Variants in SLCO4A1 observed in about 807,000 individuals in gnomAD.
SLCO4A1 encodes the protein solute carrier organic anion transporter family member 4A1, also known as colon organic anion transporter.
In SLCO4A1, 51 loss-of-function variants were observed where a neutral mutation model predicts 64.6. The ratio of observed to expected loss-of-function variants is 0.79; its 90% CI spans 0.63 to 1.00. The LOEUF (loss-of-function observed/expected upper bound fraction) is 1.00. Ranked by LOEUF, SLCO4A1 falls within the 50% of genes least tolerant of loss-of-function variation. SLCO4A1 has a pLI of 0.00. For missense variants in SLCO4A1, 919 were observed against 980.5 expected, an observed-to-expected ratio of 0.94 and a Z score of 0.84; for synonymous variants, 471 against 444.9, an observed-to-expected ratio of 1.06 and a Z score of -0.74.
chr20:62,650,696 G>A (rs1045381339), intron 1 of SLCO4A1: 1 of 152,230 alleles, frequency 6.6e-6, no homozygotes, highest in Non-Finnish European at 1.5e-5. Flanking sequence ...TGATGACCGA[G>A]ACCAGGATGG....
At chr20:62,649,492 C>G (rs550945243) in intron 1 of SLCO4A1, 4 of 152,446 alleles carry the variant, frequency 2.6e-5, no homozygotes, top group African/African-American at 9.6e-5. Flanking sequence ...ACCCTGAGAC[C>G]ATCGCACATA....
chr20:62,656,735 C>G lies in SLCO4A1; in HGVS notation c.281C>G (p.Pro94Arg), dbSNP rs768735049. The G allele has an allele frequency of 3.1e-6, 5 of 1,611,846 alleles. No individual in the cohort carries two copies. Among genetic ancestry groups the G allele is most frequent in the East Asian group, 2.2e-5 (1 of 44,856 alleles). The part of the protein sequence containing the change: ...VACGWWAFAP[P>R]CLQVLNTPKG... ...TGCGGCTGGTGGGCCTTCGCACCGC[C>G]GTGCCTGCAGGTCCTCAACACGCCC... Residue 94 changes from proline (P) to arginine (R), a missense_variant, in exon 2 of 12, where the codon CCG (proline) becomes CGG (arginine). Pro to Arg is a moderately radical substitution (Grantham distance 103). Transcript: ENST00000217159.
At chr20:62,673,716 T>G (rs6090214), downstream of SLCO4A1, among the ~76,000 whole-genome samples, 1 of 143,234 alleles carries the variant, frequency 7.0e-6, no homozygotes, top group Non-Finnish European at 1.6e-5. Context: ...TGCTCAGCCC[T>G]GGCCTTCAAG....
chr20:62,686,407 C>T (rs1258070507), downstream of SLCO4A1, among the ~76,000 whole-genome samples: 1 of 152,134 alleles, frequency 6.6e-6, no homozygotes, highest in Non-Finnish European at 1.5e-5. Flanking sequence ...GTGTCATGTC[C>T]TAAAGCTTCA....
intron 1 of SLCO4A1, chr20:62,652,214 A>C (rs1190763756): frequency 6.6e-6 from 1 of 151,694 alleles, no homozygotes; most frequent in South Asian, 2.1e-4. Flanking sequence ...TCTGCTATTT[A>C]TGTGTGTGCG....
intron 5 of SLCO4A1, among the ~76,000 whole-genome samples, chr20:62,663,996 C>G (rs997794202): frequency 6.6e-6 from 1 of 152,198 alleles, no homozygotes; most frequent in Non-Finnish European, 1.5e-5. Flanking sequence ...CCATTCACCC[C>G]CCAGGGCCTC....
chr20:62,657,772 C>T (rs1454911303), intron 2 of SLCO4A1, among the ~76,000 whole-genome samples: 1 of 152,258 alleles, frequency 6.6e-6, no homozygotes, highest in Non-Finnish European at 1.5e-5. Context: ...TGCCCGTAAG[C>T]ACCGTGTCTG....
At position 62,660,424 on chromosome 20, in the gene SLCO4A1, C is replaced by T; in HGVS notation, c.900C>T (p.Thr300=). Residue 300 remains threonine (T), a synonymous_variant, in exon 4 of 12, where the codon ACC becomes ACT. Transcript: ENST00000217159. ...YTEMGRRTEL[T]TESPLWVGAW... ...GCCTCTTCCACAGGACGGAGCTGAC[C>T]ACCGAGAGCCCACTGTGGGTCGGCG... 3 of 1,599,510 alleles carry T rather than the reference C, an allele frequency of 1.9e-6. No individual in the cohort carries two copies. The highest frequency in any genetic ancestry group is 8.5e-7 in the Non-Finnish European group (1 of 1,179,832).
At chr20:62,643,279 C>A (rs547156978) in intron 1 of SLCO4A1, 3 of 326,862 alleles carry the variant, frequency 9.2e-6, no homozygotes, top group Non-Finnish European at 1.8e-5. Context: ...GTTGGGCTCC[C>A]CTGACCAGGG....
At position 62,666,587 on chromosome 20, in the gene SLCO4A1, A is replaced by G. The variant is rs369837301; in HGVS notation, c.1472+12A>G. ...AGCTACGGCGGGAGGTGAGGGCCAG[A>G]TGGCACCTGGGTACGCGTCGGGGCC... On this transcript the variant is annotated intron_variant, in intron 7 of 11. Coordinates refer to ENST00000217159, the MANE Select transcript of SLCO4A1 (RefSeq NM_016354.4). The G allele has an allele frequency of 1.2e-6, 2 of 1,610,176 alleles. No homozygotes were observed. Among genetic ancestry groups the G allele is most frequent in the Non-Finnish European group, 1.7e-6 (2 of 1,178,972 alleles).
intron 3 of SLCO4A1, among the ~76,000 whole-genome samples, chr20:62,659,246 C>T (rs1040163022): frequency 5.9e-5 from 9 of 152,012 alleles, no homozygotes; most frequent in East Asian, 1.9e-4. Flanking sequence ...AAGAAGACAG[C>T]GACAGGCAGA....
intron 11 of SLCO4A1, 131 bp downstream of exon 11, chr20:62,669,209 A>T (rs1419955892): frequency 3.0e-5 from 27 of 907,484 alleles, no homozygotes; most frequent in Non-Finnish European, 4.4e-5. Flanking sequence ...CAGTTTGTAG[A>T]AGGCCCTTCC....
intron 2 of SLCO4A1, among the ~76,000 whole-genome samples, chr20:62,682,014 G>A (rs911599312): frequency 1.3e-5 from 2 of 152,338 alleles, no homozygotes; most frequent in East Asian, 3.9e-4. Context: ...CATCCCCTGA[G>A]CTAGGACTGA....
At chr20:62,665,371 G>C in intron 6 of SLCO4A1, 1 of 385,970 alleles carries the variant, frequency 2.6e-6, no homozygotes, top group Non-Finnish European at 4.7e-6. Flanking sequence ...TCTGTGACTT[G>C]GTGCAGGAAG....
rs1270131704 is a variant in SLCO4A1, at chr20:62,685,073, T to C, written n.212-368T>C. 2.0e-5 allele frequency among the ~76,000 whole-genome samples: 3 copies of C among 151,902 alleles called. No homozygotes were observed. Among genetic ancestry groups the C allele is most frequent in the South Asian group, 2.1e-4 (1 of 4,822 alleles). ...CCAAGGGTCTGGGGTGAGGCCACAG[T>C]GCATGGAGTGCATGGAGGTTGGGGC... On this transcript the variant is annotated intron_variant and non_coding_transcript_variant, in intron 2 of 2. Transcript: ENST00000466818. This position sits in a 1 kb window ranked among gnomAD's most constrained non-coding sequence, Gnocchi z 4.6.
chr20:62,649,468 T>C (rs1397151918), intron 1 of SLCO4A1: 3 of 152,434 alleles, frequency 2.0e-5, no homozygotes, highest in Admixed American at 2.0e-4. Context: ...GCTATCACAG[T>C]GCTCTTGGCC....
chr20:62,653,899 G>A (rs991037026), intron 1 of SLCO4A1, among the ~76,000 whole-genome samples: 1 of 141,372 alleles, frequency 7.1e-6, no homozygotes, highest in Non-Finnish European at 1.5e-5. Context: ...ATGGGGTGGG[G>A]GGAGGGGGGA....
chr20:62,649,325 C>T (rs1242039645), intron 1 of SLCO4A1: 4 of 152,244 alleles, frequency 2.6e-5, no homozygotes, highest in Non-Finnish European at 5.9e-5. Context: ...ACTGATTGGA[C>T]GAGGCCCACC....
At chr20:62,660,254 A>G (rs1984513387) in intron 3 of SLCO4A1, among the ~76,000 whole-genome samples, 158 bp from the exon 4 acceptor site, 1 of 152,200 alleles carries the variant, frequency 6.6e-6, no homozygotes. Context: ...AGGAAGGGAC[A>G]GGACCTGTGG....
Sources: gnomAD v4.1 joint callset for allele counts (sites outside exome capture counted in the v4.1 genomes callset) on GRCh38, gnomAD v4.1.1 for gene constraint, Gnocchi (gnomAD v3.1) non-coding constraint, MANE v1.5 for transcripts, NCBI Gene and HGNC (gene_info 2026-07-23, HGNC 2026-07-21) for gene names.